RABGAP1: variants seen among roughly 807,000 people sequenced by gnomAD.
The protein encoded by RABGAP1 is RAB GTPase activating protein 1.
In RABGAP1, 23 loss-of-function variants were observed where a neutral mutation model predicts 137.6. The ratio of observed to expected loss-of-function variants is 0.17; its 90% CI spans 0.12 to 0.24. The LOEUF (loss-of-function observed/expected upper bound fraction) is 0.24, where lower values mean the gene tolerates loss of function less well. Ranked by LOEUF, RABGAP1 falls within the 10% of genes least tolerant of loss-of-function variation. The pLI, the probability that RABGAP1 is intolerant of heterozygous loss-of-function variation, is 1.00. For missense variants in RABGAP1, 906 were observed against 1,275.8 expected (o/e 0.71, Z 4.42); for synonymous variants, 451 against 450.7 (o/e 1.00, Z -0.01).
intron 13 of RABGAP1, among the ~76,000 whole-genome samples, chr9:123,060,817 A>C (rs936073857): frequency 6.6e-6 from 1 of 152,258 alleles, no homozygotes; most frequent in African/African-American, 2.4e-5. Context: ...AGGAATATAC[A>C]GACTTTTGCA....
chr9:123,032,147 T>C (rs915104741), intron 13 of RABGAP1, among the ~76,000 whole-genome samples: 4 of 152,210 alleles, frequency 2.6e-5, no homozygotes, highest in Non-Finnish European at 4.4e-5. Flanking sequence ...ACACTGGCTC[T>C]TAAGGAAGGC....
At chr9:122,942,911 T>C (rs933891429) in intron 1 of RABGAP1, among the ~76,000 whole-genome samples, 6 of 152,074 alleles carry the variant, frequency 3.9e-5, no homozygotes, top group African/African-American at 1.2e-4. Context: ...TTTGGGAGTC[T>C]GAGGTGGGAG....
At chr9:122,957,845 AAC>A (rs1834612898) in intron 2 of RABGAP1, among the ~76,000 whole-genome samples, 1 of 152,036 alleles carries the variant, frequency 6.6e-6, no homozygotes, top group Admixed American at 6.6e-5. Flanking sequence ...AGTGGTGAAC[AAC>A]ACAGGCAAAA....
intron 12 of RABGAP1, among the ~76,000 whole-genome samples, chr9:123,017,226 A>G (rs2031296628): frequency 1.3e-5 from 2 of 152,212 alleles, no homozygotes; most frequent in African/African-American, 2.4e-5. Context: ...GTTACATAAT[A>G]TATTTAAAAT....
chr9:123,010,500 T>C lies in RABGAP1; in HGVS notation c.1521T>C (p.Pro507=). Residue 507 remains proline, a synonymous_variant, in exon 11 of 26, where the codon CCT becomes CCC. Coordinates refer to ENST00000373647, the MANE Select transcript of RABGAP1 (RefSeq NM_012197.4). The stretch of plus-strand genomic sequence containing the variant: ...CTGGATCGCAAAGTTCAGTGATACC[T>C]TCTCCTCCAGAAGATGATGAAGAGG... ...PQSGSQSSVI[P]SPPEDDEEED... 3 of 1,613,742 alleles carry C rather than the reference T, an allele frequency of 1.9e-6. No individual in the cohort carries two copies. The South Asian group carries it at 3.3e-5, about 18-fold the overall frequency.
chr9:123,055,981 T>C (rs1178061529), intron 13 of RABGAP1, among the ~76,000 whole-genome samples: 2 of 152,206 alleles, frequency 1.3e-5, no homozygotes, highest in Non-Finnish European at 2.9e-5. Flanking sequence ...TTGTTTTCTT[T>C]GTGGTGTGGG....
chr9:123,103,881 A>C lies in RABGAP1; in HGVS notation c.*668A>C, dbSNP rs888112127. ...TGTTACTTTTTAGCATTAGCTGCCA[A>C]ATGACTTCAAAAGGCTGGGGTGGGT... is the stretch of plus-strand genomic sequence containing the variant. On this transcript the variant is annotated 3_prime_UTR_variant, in exon 26 of 26. Transcript: ENST00000373647. 2 of 151,392 alleles carry C rather than the reference A, an allele frequency of 1.3e-5. No homozygotes were observed. Among genetic ancestry groups the C allele is most frequent in the African/African-American group, 4.9e-5 (2 of 41,026 alleles). 9.4% of individuals were successfully genotyped at this position (151,392 alleles called of 1,614,324 possible).
intron 1 of RABGAP1, among the ~76,000 whole-genome samples, chr9:122,951,009 GT>G (rs1164994259): frequency 6.6e-6 from 1 of 152,154 alleles, no homozygotes; most frequent in Non-Finnish European, 1.5e-5. Context: ...AATTCTTTGG[GT>G]TGTGAAATTT....
chr9:123,023,522 C>T (rs368652768), intron 13 of RABGAP1, among the ~76,000 whole-genome samples: 4 of 152,124 alleles, frequency 2.6e-5, no homozygotes, highest in South Asian at 4.1e-4. Flanking sequence ...TCACACAGCA[C>T]GTGCTCATTT....
chr9:123,013,681 C>T (rs897153090), intron 11 of RABGAP1, among the ~76,000 whole-genome samples: 2 of 152,134 alleles, frequency 1.3e-5, no homozygotes, highest in Non-Finnish European at 2.9e-5. Flanking sequence ...GAAGATCTCT[C>T]ACATTCTATC....
At chr9:123,031,645 C>T (rs774759764) in intron 13 of RABGAP1, among the ~76,000 whole-genome samples, 8 of 152,174 alleles carry the variant, frequency 5.3e-5, no homozygotes, top group Non-Finnish European at 1.2e-4. Context: ...CTTGGTGACT[C>T]AGAACTAAGT....
At chr9:122,979,103 G>C (rs546729432) in intron 2 of RABGAP1, among the ~76,000 whole-genome samples, 154 of 152,026 alleles carry the variant, frequency 1.0e-3, no homozygotes, top group Non-Finnish European at 2.0e-3. Context: ...TCACCATGTT[G>C]CCCAGGCTAG....
chr9:123,050,999 A>G (rs2033429185), intron 13 of RABGAP1, among the ~76,000 whole-genome samples: 1 of 151,948 alleles, frequency 6.6e-6, no homozygotes, highest in Non-Finnish European at 1.5e-5. Context: ...TAATACCACA[A>G]CTTAGTGAAG....
Position 123,096,725 on chromosome 9 carries a change from C to T in RABGAP1, c.2629-1016C>T, listed in dbSNP as rs200859194. The stretch of plus-strand genomic sequence containing the variant: ...CTGGGATTACAGGCGCCTGCCACCA[C>T]GCCCGGCTAATTTTTTGTATATTTT... On this transcript the variant is annotated intron_variant, in intron 21 of 25. Transcript: ENST00000373647. Among the ~76,000 whole-genome samples, 47 of 152,300 alleles carry T rather than the reference C, an allele frequency of 3.1e-4. No homozygotes were observed. The East Asian group carries it at 7.3e-3, about 24-fold the overall frequency.
At chr9:123,080,204 T>C (rs1358752136) in intron 19 of RABGAP1, among the ~76,000 whole-genome samples, 2 of 152,196 alleles carry the variant, frequency 1.3e-5, no homozygotes, top group Non-Finnish European at 2.9e-5. Context: ...TGCCTATGCC[T>C]TCAATGAGTT....
intron 4 of RABGAP1, among the ~76,000 whole-genome samples, chr9:122,988,896 TTGCGCCATTGCAC>T (rs1836510011): frequency 6.6e-6 from 1 of 150,994 alleles, no homozygotes. Context: ...TGAGCTGAGA[TTGCGCCATTGCAC>T]TCCAGCCTGG....
At chr9:123,040,207 T>C (rs1332395388) in intron 13 of RABGAP1, among the ~76,000 whole-genome samples, 1 of 152,230 alleles carries the variant, frequency 6.6e-6, no homozygotes, top group Non-Finnish European at 1.5e-5. Context: ...TCTGGAAGAA[T>C]GTACCAAGGC....
At chr9:122,974,875 T>C (rs140653617) in intron 2 of RABGAP1, among the ~76,000 whole-genome samples, 1,822 of 152,332 alleles carry the variant, frequency 0.012, 25 homozygotes, top group Non-Finnish European at 0.017. Flanking sequence ...GTTTATAAAG[T>C]AAATCATAAA....
intron 13 of RABGAP1, among the ~76,000 whole-genome samples, chr9:123,058,243 G>A (rs1437076481): frequency 2.0e-5 from 3 of 152,134 alleles, no homozygotes; most frequent in Non-Finnish European, 4.4e-5. Flanking sequence ...TGGTATAATA[G>A]TGTGACAGGT....
Sources: allele counts gnomAD v4.1 joint callset (sites outside exome capture counted in the v4.1 genomes callset), GRCh38; gene constraint gnomAD v4.1.1; transcripts MANE v1.5; gene names NCBI Gene and HGNC (gene_info 2026-07-23, HGNC 2026-07-21).